FRMD3: variants seen among roughly 807,000 people sequenced by gnomAD.
The protein encoded by FRMD3 is FERM domain-containing protein 3.
In FRMD3, 33 loss-of-function variants were observed where a neutral mutation model predicts 70.2. That is an observed-to-expected ratio of 0.47 (90% CI 0.36 to 0.63). The LOEUF is 0.63. Ranked by LOEUF, FRMD3 falls within the 20% of genes least tolerant of loss-of-function variation. The pLI is 0.00. For missense variants in FRMD3, 632 were observed against 711.4 expected (o/e 0.89, Z 1.27); for synonymous variants, 279 against 255.9 (o/e 1.09, Z -0.86).
chr9:83,312,054 T>C (rs1459077022), intron 7 of FRMD3, 79 bp from the exon 8 acceptor site: 2 of 1,078,814 alleles, frequency 1.9e-6, no homozygotes, highest in Non-Finnish European at 2.7e-6. Context: ...ATATATTTAT[T>C]CATCCTCACC....
At chr9:83,335,683 C>T (rs1194985511) in intron 5 of FRMD3, 44 bp from the exon 6 acceptor site, 2 of 1,586,674 alleles carry the variant, frequency 1.3e-6, no homozygotes, top group South Asian at 1.1e-5. Flanking sequence ...AGATTAAAAA[C>T]AATAACATGA....
At position 83,461,015 on chromosome 9, in the gene FRMD3, G is replaced by A. The variant is rs11140107; in HGVS notation, c.148-71307C>T. ...CAGGGTGAGAGGCACTTACCACACA[G>A]TGTGACAAGTGCACCAATAGGGTCA... On this transcript the variant is annotated intron_variant, in intron 1 of 13. Coordinates refer to ENST00000304195, the MANE Select transcript of FRMD3 (RefSeq NM_174938.6). 7.6e-3 allele frequency among the ~76,000 whole-genome samples: 1,153 copies of A among 152,054 alleles called. 16 individuals carry two copies. The highest frequency in any genetic ancestry group is 0.026 in the African/African-American group (1,092 of 41,484).
At chr9:83,284,475 G>A (rs1004848152) in intron 13 of FRMD3, among the ~76,000 whole-genome samples, 3 of 152,166 alleles carry the variant, frequency 2.0e-5, no homozygotes, top group African/African-American at 7.2e-5. Flanking sequence ...GGGCATGGTG[G>A]CGTGTGCCTG....
Position 83,259,222 on chromosome 9 carries a change from T to G in FRMD3, c.1196-10706A>C, listed in dbSNP as rs375904503. 5.4e-4 allele frequency among the ~76,000 whole-genome samples: 83 copies of G among 152,340 alleles called. 2 individuals carry two copies. In the South Asian group the frequency reaches 0.016, roughly 30 times the overall value. On this transcript the variant is annotated intron_variant, in intron 13 of 13. Coordinates refer to ENST00000304195, the MANE Select transcript of FRMD3 (RefSeq NM_174938.6). ...AGATATCAGATATTATCCATACAGATGGAACACCTATTTATAATGATCTGT... is the reference window on the plus strand; with the variant it reads ...AGATATCAGATATTATCCATACAGAGGGAACACCTATTTATAATGATCTGT...
At chr9:83,309,259 T>TACACACACACACAC (rs3029557) in intron 10 of FRMD3, among the ~76,000 whole-genome samples, 1 of 138,308 alleles carries the variant, frequency 7.2e-6, no homozygotes, top group African/African-American at 2.8e-5. Flanking sequence ...CTATTTGAAA[T>TACACACACACACAC]ACACACACAC....
At chr9:83,377,880 G>A (rs974102294) in intron 2 of FRMD3, among the ~76,000 whole-genome samples, 2 of 151,986 alleles carry the variant, frequency 1.3e-5, no homozygotes, top group East Asian at 1.9e-4. Flanking sequence ...AAAAAAAGAC[G>A]GCTAATGTCT....
chr9:83,387,491 T>C (rs1372747239), intron 2 of FRMD3, among the ~76,000 whole-genome samples: 1 of 152,186 alleles, frequency 6.6e-6, no homozygotes, highest in Non-Finnish European at 1.5e-5. Flanking sequence ...TGGTACATGA[T>C]AGATGCTCAA....
At chr9:83,448,245 T>G (rs80229176) in intron 1 of FRMD3, among the ~76,000 whole-genome samples, 5,578 of 152,256 alleles carry the variant, frequency 0.037, 171 homozygotes, top group East Asian at 0.15. Context: ...ATTATAATAT[T>G]TGATGAGGGG....
chr9:83,407,476 A>G (rs1037040065), intron 1 of FRMD3, among the ~76,000 whole-genome samples: 6 of 152,114 alleles, frequency 3.9e-5, no homozygotes, highest in Admixed American at 3.9e-4. Context: ...CTCCACTCCC[A>G]CTTTAAAAAG....
the FRMD3 span, among the ~76,000 whole-genome samples, chr9:83,578,697 C>T: frequency 1.3e-5 from 2 of 151,792 alleles, no homozygotes; most frequent in African/African-American, 4.8e-5. Context: ...CAATAAAGGT[C>T]ACATAGCTAA....
chr9:83,424,571 C>T (rs1826748092), intron 1 of FRMD3, among the ~76,000 whole-genome samples: 1 of 152,066 alleles, frequency 6.6e-6, no homozygotes, highest in Admixed American at 6.5e-5. Flanking sequence ...TGCATTAGTA[C>T]AACATATTTA....
chr9:83,280,107 A>C (rs1171541818), intron 13 of FRMD3, among the ~76,000 whole-genome samples: 1 of 152,268 alleles, frequency 6.6e-6, no homozygotes, highest in Non-Finnish European at 1.5e-5. Flanking sequence ...GAATTATTAA[A>C]GAACAATCAG....
At chr9:83,367,472 G>C (rs1564039341) in intron 3 of FRMD3, among the ~76,000 whole-genome samples, 1 of 152,148 alleles carries the variant, frequency 6.6e-6, no homozygotes. Context: ...GTAAATAGTA[G>C]CAAGCAGATG....
chr9:83,414,147 G>A (rs982216131), intron 1 of FRMD3, among the ~76,000 whole-genome samples: 10 of 152,180 alleles, frequency 6.6e-5, no homozygotes, highest in Non-Finnish European at 1.2e-4. Flanking sequence ...GGCAAAGGAA[G>A]GGGGAATGAC....
intron 1 of FRMD3, among the ~76,000 whole-genome samples, chr9:83,437,847 A>G (rs907314630): frequency 6.6e-6 from 1 of 152,224 alleles, no homozygotes; most frequent in Non-Finnish European, 1.5e-5. Context: ...GAGACTTGTC[A>G]TATTAGAAGA....
At chr9:83,568,081 A>G in the FRMD3 span, among the ~76,000 whole-genome samples, 6 of 152,212 alleles carry the variant, frequency 3.9e-5, no homozygotes, top group Non-Finnish European at 7.3e-5. Flanking sequence ...CCACATGGCT[A>G]GGGAGGCCTC....
At chr9:83,325,894 A>G (rs1006665230) in intron 6 of FRMD3, among the ~76,000 whole-genome samples, 8 of 152,210 alleles carry the variant, frequency 5.3e-5, no homozygotes, top group African/African-American at 1.9e-4. Flanking sequence ...CAATTACATG[A>G]CATTCAAATT....
chr9:83,569,794 C>A, the FRMD3 span, among the ~76,000 whole-genome samples: 26 of 152,310 alleles, frequency 1.7e-4, no homozygotes, highest in African/African-American at 5.8e-4. Context: ...TTAATATATA[C>A]TTCAGCATAT....
intron 13 of FRMD3, among the ~76,000 whole-genome samples, chr9:83,286,596 T>C (rs1417712291): frequency 6.6e-6 from 1 of 152,220 alleles, no homozygotes; most frequent in African/African-American, 2.4e-5. Context: ...CCTCTGAAAG[T>C]GCTGGGGTTA....
Sources: allele counts gnomAD v4.1 joint callset (sites outside exome capture counted in the v4.1 genomes callset), GRCh38; gene constraint gnomAD v4.1.1; transcripts MANE v1.5; gene names NCBI Gene and HGNC (gene_info 2026-07-23, HGNC 2026-07-21).